Variants in CPT1B observed in about 807,000 individuals in gnomAD.
The protein encoded by CPT1B is carnitine palmitoyltransferase 1B, also known as carnitine O-palmitoyltransferase 1, muscle isoform.
CPT1B carries 57 observed loss-of-function variants against 92.7 expected under a neutral mutation model. The ratio of observed to expected loss-of-function variants is 0.62; its 90% CI spans 0.50 to 0.77. CPT1B has a LOEUF of 0.77. CPT1B is among the 30% of genes least tolerant of loss of function. CPT1B has a pLI of 0.00. For missense variants in CPT1B, 983 were observed against 1,017.4 expected (o/e 0.97, Z 0.46); for synonymous variants, 398 against 383.5 (o/e 1.04, Z -0.44).
In CPT1B at chr22:50,571,030, C is replaced by G. The variant is rs746236569; in HGVS notation, c.1889G>C (p.Arg630Pro). 6.2e-7 allele frequency: 1 copy of G among 1,614,002 alleles called. No individual in the cohort carries two copies. The highest frequency in any genetic ancestry group is 8.5e-7 in the Non-Finnish European group (1 of 1,179,978). Reference sequence around the variant, plus strand: ...CTTAGCAGCCTTCTGGAAGAGATCTCGCAGGTCTGCTTTCTGCGGGGCAGA... The same window carrying G: ...CTTAGCAGCCTTCTGGAAGAGATCTGGCAGGTCTGCTTTCTGCGGGGCAGA... ...MEGSHTKADL[R>P]DLFQKAAKKH... Residue 630 changes from arginine to proline, a missense_variant, in exon 16 of 20, where the codon CGA becomes CCA. Transcript: ENST00000312108.
intron 14 of CPT1B, 34 bp downstream of exon 14, chr22:50,571,341 C>G: frequency 6.2e-7 from 1 of 1,613,716 alleles, no homozygotes; most frequent in Non-Finnish European, 8.5e-7. Flanking sequence ...TGGTACCACC[C>G]TGCCCTCTCA....
Position 50,569,372 on chromosome 22 carries a change from G to A in CPT1B, c.2285C>T (p.Ala762Val), listed in dbSNP as rs1173143748. ...NHIRKALLDI[A>V]DLFQVPKAYS ...GGCCTTGGGAACTTGGAAAAGATCA[G>A]CAATGTCCAGCAGGGCTTTGCGGAT... The change falls in exon 19 of 20, where the codon GCT becomes GTT. Residue 762 changes from alanine (A) to valine (V), a missense_variant. Transcript: ENST00000312108. The A allele has an allele frequency of 6.2e-7, 1 of 1,614,164 alleles. No homozygotes were observed.
chr22:50,573,062 T>C lies in CPT1B; in HGVS notation c.1167-2A>G. 1 of 1,594,306 alleles carries C rather than the reference T, an allele frequency of 6.3e-7. No individual in the cohort carries two copies. The highest frequency in any genetic ancestry group is 8.6e-7 in the Non-Finnish European group (1 of 1,164,450). Reference sequence around the variant, plus strand: ...TGGCGTGCCTGCGCCCACTCCACCCTGAAGCATGGGGCAGGGTAAGCAGTG... The same window carrying C: ...TGGCGTGCCTGCGCCCACTCCACCCCGAAGCATGGGGCAGGGTAAGCAGTG... On this transcript the variant is annotated splice_acceptor_variant, in intron 10 of 19. Transcript: ENST00000312108. LOFTEE classifies it high-confidence loss of function. This position sits in a 1 kb window ranked among gnomAD's most constrained non-coding sequence, Gnocchi z 5.0.
intron 13 of CPT1B, 24 bp downstream of exon 13, chr22:50,571,982 C>A: frequency 6.2e-7 from 1 of 1,605,562 alleles, no homozygotes. Flanking sequence ...GGTCTCACAC[C>A]TGCTCTGGGA....
rs775535337 is a variant in CPT1B at position 50,573,819 on chromosome 22, C to T, written c.971-104G>A. On this transcript the variant is annotated intron_variant, in intron 9 of 19. Coordinates refer to ENST00000312108, the MANE Select transcript of CPT1B (RefSeq NM_152246.3). The surrounding 1 kb of genome is among the most constrained non-coding windows in gnomAD (Gnocchi z 5.0). ...TGACCCCTGCAGACCCTGTTTTGCT[C>T]GGCCTCTGCCTGGGCCTTCCTGCCC... The T allele has an allele frequency of 1.4e-5, 15 of 1,070,352 alleles. No individual in the cohort carries two copies. Among genetic ancestry groups the T allele is most frequent in the Admixed American group, 4.0e-5 (2 of 50,494 alleles). 66.3% of individuals were successfully genotyped at this position (1,070,352 alleles called of 1,614,324 possible).
At chr22:50,571,961 T>C (rs1214501887) in intron 13 of CPT1B, 45 bp downstream of exon 13, 5 of 1,565,806 alleles carry the variant, frequency 3.2e-6, no homozygotes, top group Non-Finnish European at 4.4e-6. Context: ...TGTACCCACC[T>C]GCTGCTTTGT....
rs41309651 is a variant in CPT1B, at chr22:50,571,058, T to C, written c.1876-15A>G. On this transcript the variant is annotated splice_polypyrimidine_tract_variant and intron_variant, in intron 15 of 19. Coordinates refer to ENST00000312108, the MANE Select transcript of CPT1B (RefSeq NM_152246.3). ...AGGTCTGCTTTCTGCGGGGCAGAAG[T>C]AAAGGGGTGAAGAGTAGCCCTGGCC... The C allele has an allele frequency of 0.015, 23,455 of 1,613,344 alleles. 252 individuals carry two copies. Among genetic ancestry groups the C allele is most frequent in the Non-Finnish European group, 0.018 (21,462 of 1,179,544 alleles).
chr22:50,576,053 G>A lies in CPT1B; in HGVS notation c.759C>T (p.Asn253=), dbSNP rs1348058492. 2 of 1,613,972 alleles carry A rather than the reference G, an allele frequency of 1.2e-6. No homozygotes were observed. Among genetic ancestry groups the A allele is most frequent in the African/African-American group, 1.3e-5 (1 of 74,906 alleles). ...YLRGRSPLMV[N]SNYYVMDLVL... The stretch of plus-strand genomic sequence containing the variant: ...TTCATACCATGACATAATAGTTGCT[G>A]TTCACCATGAGAGGGCTCCTGCCTC... The change falls in exon 7 of 20, where the codon AAC becomes AAT. Residue 253 remains asparagine, a synonymous_variant. Transcript: ENST00000312108.
chr22:50,576,763 G>A (rs906177292), intron 4 of CPT1B, 94 bp downstream of exon 4: 5 of 1,558,808 alleles, frequency 3.2e-6, no homozygotes, highest in Non-Finnish European at 4.4e-6. Flanking sequence ...AGGCACCAGT[G>A]CCCTGTCTGC....
In CPT1B at chr22:50,571,307, G is replaced by C. The variant is rs200682800; in HGVS notation, c.1741-15C>G. 1 of 1,613,756 alleles carries C rather than the reference G, an allele frequency of 6.2e-7. No homozygotes were observed. The highest frequency in any genetic ancestry group is 8.5e-7 in the Non-Finnish European group (1 of 1,180,008). On this transcript the variant is annotated splice_polypyrimidine_tract_variant and intron_variant, in intron 14 of 19. Coordinates refer to ENST00000312108, the MANE Select transcript of CPT1B (RefSeq NM_152246.3). The stretch of plus-strand genomic sequence containing the variant: ...TTACCCCTGTCCTGGGATATACAGA[G>C]GGGTGAATCTGGCAGGTGGACCCTG...
chr22:50,577,375 A>C lies in CPT1B; in HGVS notation c.230T>G (p.Val77Gly). The C allele has an allele frequency of 6.2e-7, 1 of 1,613,964 alleles. No individual in the cohort carries two copies. Among genetic ancestry groups the C allele is most frequent in the Non-Finnish European group, 8.5e-7 (1 of 1,180,004 alleles). ...MATVGSSFCN[V>G]DISLGLVSCI... The stretch of plus-strand genomic sequence containing the variant: ...ACTGACCAGCCCCAAGGAGATGTCC[A>C]CGTTGCAGAAGGAGGAACCCACTGT... The change falls in exon 3 of 20, where the codon GTG (valine) becomes GGG (glycine). Residue 77 changes from valine to glycine, a missense_variant. By Grantham distance (109) the Val-to-Gly change is moderately radical (BLOSUM62 -3). Transcript: ENST00000312108.
intron 16 of CPT1B, 38 bp downstream of exon 16, chr22:50,570,853 G>A (rs1238477286): frequency 2.5e-6 from 4 of 1,602,074 alleles, no homozygotes; most frequent in Non-Finnish European, 3.4e-6. Context: ...GTGTAGGAGG[G>A]CAGTGGGACA....
At position 50,573,067 on chromosome 22, in the gene CPT1B, C is replaced by A. The variant is rs758278537; in HGVS notation, c.1167-7G>T. On this transcript the variant is annotated splice_polypyrimidine_tract_variant and splice_region_variant and intron_variant, in intron 10 of 19. Coordinates refer to ENST00000312108, the MANE Select transcript of CPT1B (RefSeq NM_152246.3). This position sits in a 1 kb window ranked among gnomAD's most constrained non-coding sequence, Gnocchi z 5.0. The stretch of plus-strand genomic sequence containing the variant: ...TGCCTGCGCCCACTCCACCCTGAAG[C>A]ATGGGGCAGGGTAAGCAGTGGGCAC... 9.9e-5 allele frequency: 157 copies of A among 1,592,330 alleles called. No individual in the cohort carries two copies. The highest frequency in any genetic ancestry group is 1.3e-4 in the Non-Finnish European group (147 of 1,163,168).
rs774665817 is a variant in CPT1B at position 50,570,905 on chromosome 22, G to A, written c.2014C>T (p.Pro672Ser). ...LVSKYLGVSS[P>S]FLAEVLSEPW... ...ACGGTGCTGACCTCAGCAAGGAAAG[G>A]AGAGCTGACTCCTAGGTACTTGGAG... The change falls in exon 16 of 20, where the codon CCT (proline) becomes TCT (serine). Residue 672 changes from proline (P) to serine (S), a missense_variant. Coordinates refer to ENST00000312108, the MANE Select transcript of CPT1B (RefSeq NM_152246.3). 1.2e-6 allele frequency: 2 copies of A among 1,613,610 alleles called. No individual in the cohort carries two copies. Among genetic ancestry groups the A allele is most frequent in the Non-Finnish European group, 1.7e-6 (2 of 1,179,978 alleles).
chr22:50,570,605 C>A (rs538833153), intron 16 of CPT1B, among the ~76,000 whole-genome samples, 199 bp from the exon 17 acceptor site: 67 of 152,332 alleles, frequency 4.4e-4, no homozygotes, highest in Admixed American at 9.1e-4. Context: ...CTCTGCCTCT[C>A]CCCCACATAG....
chr22:50,570,410 C>T lies in CPT1B; in HGVS notation c.2029-4G>A, dbSNP rs1226697341. On this transcript the variant is annotated splice_polypyrimidine_tract_variant and splice_region_variant and intron_variant, in intron 16 of 19. Transcript: ENST00000312108. The stretch of plus-strand genomic sequence containing the variant: ...GACGCCAGGGTTCCGAGAGCACCTG[C>T]AATGGAGGCCACAGCTGGTCAGAGG... 1.9e-6 allele frequency: 3 copies of T among 1,585,288 alleles called. No homozygotes were observed. Among genetic ancestry groups the T allele is most frequent in the African/African-American group, 1.3e-5 (1 of 74,200 alleles).
At chr22:50,571,674 C>T in intron 13 of CPT1B, 135 bp from the exon 14 acceptor site, 1 of 1,017,136 alleles carries the variant, frequency 9.8e-7, no homozygotes, top group South Asian at 1.5e-5. Context: ...GGAGGGTACG[C>T]AAAAGACAGT....
chr22:50,569,694 A>C (rs374665945), intron 17 of CPT1B, 26 bp from the exon 18 acceptor site: 41 of 1,572,896 alleles, frequency 2.6e-5, no homozygotes, highest in Non-Finnish European at 3.2e-5. Context: ...AGGGTGAAGA[A>C]GGCATAAATC....
Position 50,569,577 on chromosome 22 carries a change from GTC to G in CPT1B, c.2232_2233del (p.Glu744AspfsTer19). 2 of 1,613,720 alleles carry G rather than the reference GTC, an allele frequency of 1.2e-6. No individual in the cohort carries two copies. Among genetic ancestry groups the G allele is most frequent in the Non-Finnish European group, 1.7e-6 (2 of 1,179,764 alleles). The stretch of plus-strand genomic sequence containing the variant: ...CCTGAGCTGTGGCAGGAGACTCACC[GTC>G]TCTGAGCTTGAGAACTTGCTGGAGA... On this transcript the variant is annotated frameshift_variant and splice_region_variant, in exon 18 of 20. Transcript: ENST00000312108. LOFTEE classifies it high-confidence loss of function.
Sources: gnomAD v4.1 joint callset for allele counts (sites outside exome capture counted in the v4.1 genomes callset) on GRCh38, gnomAD v4.1.1 for gene constraint, Gnocchi (gnomAD v3.1) non-coding constraint, MANE v1.5 for transcripts, NCBI Gene and HGNC (gene_info 2026-07-23, HGNC 2026-07-21) for gene names.